The following RAB3C variants were observed in gnomAD, a reference collection of about 807,000 sequenced individuals.
RAB3C encodes ras-related protein Rab-3C.
Under a neutral mutation model 26.4 loss-of-function variants are expected in RAB3C, and 17 were observed. The ratio of observed to expected loss-of-function variants is 0.64; its 90% confidence interval spans 0.44 to 0.97. The LOEUF is 0.97. Among genes scored for constraint, RAB3C ranks in the 50% least tolerant of loss-of-function variants. The pLI, the probability that RAB3C is intolerant of heterozygous loss-of-function variation, is 0.00. For missense variants in RAB3C, 242 were observed against 281.9 expected, an observed-to-expected ratio of 0.86 and a Z score of 1.01; for synonymous variants, 91 against 95.9, an observed-to-expected ratio of 0.95 and a Z score of 0.30.
chr5:58,781,169 G>A (rs1036923528), intron 3 of RAB3C, among the ~76,000 whole-genome samples: 2 of 151,996 alleles, frequency 1.3e-5, no homozygotes, highest in East Asian at 1.9e-4. Context: ...AAGACCTCCA[G>A]CAAAAATACT....
At chr5:58,731,262 G>A (rs112876694) in intron 3 of RAB3C, among the ~76,000 whole-genome samples, 283 of 152,170 alleles carry the variant, frequency 1.9e-3, no homozygotes, top group African/African-American at 6.5e-3. Context: ...TTTTCCAGTG[G>A]AATTTTATTT....
intron 4 of RAB3C, among the ~76,000 whole-genome samples, chr5:58,850,453 A>C (rs1160975299): frequency 6.6e-6 from 1 of 152,180 alleles, no homozygotes; most frequent in Non-Finnish European, 1.5e-5. Context: ...AAGGAGGTTG[A>C]AGCAGGTTTA....
In RAB3C at chr5:58,852,907, A is replaced by T. The variant is rs1227145690; in HGVS notation, c.*1556A>T. 6.6e-6 allele frequency: 1 copy of T among 152,236 alleles called. No individual in the cohort carries two copies. The highest frequency in any genetic ancestry group is 1.5e-5 in the Non-Finnish European group (1 of 68,042). The allele number at this position is 152,236 out of a possible 1,614,324, so 9.4% of individuals were successfully genotyped here. A position where few individuals can be genotyped will look rare whatever the true frequency, so the allele number is the denominator to read the frequency against. On this transcript the variant is annotated 3_prime_UTR_variant, in exon 5 of 5. Transcript: ENST00000282878. ...GAGAGGCTTCCCATGAAAGTATTGG[A>T]TGCAAATGAAACAGGCATACATCTA...
chr5:58,755,349 T>C (rs1200184006), intron 3 of RAB3C, among the ~76,000 whole-genome samples: 2 of 152,252 alleles, frequency 1.3e-5, no homozygotes, highest in African/African-American at 4.8e-5. Context: ...TGATCTGTTT[T>C]TATTTGACAT....
intron 2 of RAB3C, among the ~76,000 whole-genome samples, chr5:58,622,221 G>A (rs1023174777): frequency 3.9e-5 from 6 of 152,020 alleles, no homozygotes; most frequent in African/African-American, 9.7e-5. Flanking sequence ...GTCCTGGAGC[G>A]ATTAGGGCAG....
At chr5:58,849,683 G>T (rs1297730302) in intron 4 of RAB3C, among the ~76,000 whole-genome samples, 1 of 152,184 alleles carries the variant, frequency 6.6e-6, no homozygotes, top group African/African-American at 2.4e-5. Flanking sequence ...CCCCAATCCT[G>T]CAGTTATTCA....
chr5:58,775,514 C>T (rs1029074016), intron 3 of RAB3C, among the ~76,000 whole-genome samples: 2 of 151,834 alleles, frequency 1.3e-5, no homozygotes, highest in East Asian at 1.9e-4. Flanking sequence ...AGGTAATGGG[C>T]GTGAGTGAAG....
chr5:58,743,342 T>G (rs1741319592), intron 3 of RAB3C, among the ~76,000 whole-genome samples: 1 of 152,166 alleles, frequency 6.6e-6, no homozygotes, highest in Non-Finnish European at 1.5e-5. Context: ...CATATTTATC[T>G]TCTATGCCAA....
At chr5:58,615,393 G>T (rs1459108738) in intron 1 of RAB3C, among the ~76,000 whole-genome samples, 1 of 152,108 alleles carries the variant, frequency 6.6e-6, no homozygotes, top group African/African-American at 2.4e-5. Context: ...CTTAATGAAG[G>T]CCATTTTTAG....
intron 1 of RAB3C, among the ~76,000 whole-genome samples, chr5:58,589,069 A>G (rs544915664): frequency 6.6e-6 from 1 of 152,172 alleles, no homozygotes; most frequent in Admixed American, 6.5e-5. Context: ...TTGTTTTGGT[A>G]TAGATATTAT....
intron 1 of RAB3C, among the ~76,000 whole-genome samples, chr5:58,604,381 T>A (rs1275011049): frequency 6.6e-6 from 1 of 152,200 alleles, no homozygotes; most frequent in Non-Finnish European, 1.5e-5. Flanking sequence ...CAAGATTATA[T>A]GCCCTTTGTC....
intron 3 of RAB3C, among the ~76,000 whole-genome samples, chr5:58,756,434 G>A (rs1228679672): frequency 2.1e-5 from 3 of 144,434 alleles, no homozygotes; most frequent in South Asian, 2.2e-4. Context: ...AAGTTCTGGG[G>A]TACATGTGCA....
At chr5:58,633,002 C>G (rs1461432542) in intron 2 of RAB3C, among the ~76,000 whole-genome samples, 1 of 152,210 alleles carries the variant, frequency 6.6e-6, no homozygotes, top group East Asian at 1.9e-4. Flanking sequence ...CTAATACTAT[C>G]TCTGTCTCAA....
chr5:58,688,956 A>G (rs1431911086), intron 2 of RAB3C, among the ~76,000 whole-genome samples: 1 of 152,084 alleles, frequency 6.6e-6, no homozygotes. Flanking sequence ...CCTCCATAAT[A>G]GGGACTAGAA....
chr5:58,646,386 C>G (rs139073018), intron 2 of RAB3C, among the ~76,000 whole-genome samples: 3 of 151,624 alleles, frequency 2.0e-5, no homozygotes, highest in African/African-American at 7.3e-5. Flanking sequence ...AACAATTAGT[C>G]TACAAATACA....
chr5:58,590,236 A>G (rs1330877559), intron 1 of RAB3C, among the ~76,000 whole-genome samples: 4 of 152,170 alleles, frequency 2.6e-5, no homozygotes, highest in Admixed American at 1.3e-4. Context: ...CATTTTTCCA[A>G]TTTATTAACA....
intron 3 of RAB3C, among the ~76,000 whole-genome samples, chr5:58,775,210 A>G (rs1471381070): frequency 1.3e-5 from 2 of 152,070 alleles, no homozygotes; most frequent in African/African-American, 2.4e-5. Context: ...GTCCTCATCT[A>G]GTCCCATCTG....
intron 2 of RAB3C, among the ~76,000 whole-genome samples, chr5:58,699,779 G>A (rs556976502): frequency 7.5e-4 from 114 of 152,336 alleles, no homozygotes; most frequent in African/African-American, 2.4e-3. Flanking sequence ...AGCCAGTCAC[G>A]GGAGAGAATC....
rs1386708224 is a variant in RAB3C at position 58,810,362 on chromosome 5, G to GCTC, written c.372-14676_372-14675insCTC. ...TTCTACTGGTACAAAAGTACTCTGT[G>GCTC]TGCTCTCTCTCTCTCTCTCTCTCTG... On this transcript the variant is annotated intron_variant, in intron 3 of 4. Coordinates refer to ENST00000282878, the MANE Select transcript of RAB3C (RefSeq NM_138453.4). Among the ~76,000 whole-genome samples, 190 of 81,166 alleles carry GCTC rather than the reference G, an allele frequency of 2.3e-3. 1 individual carries two copies. The highest frequency in any genetic ancestry group is 4.6e-3 in the Non-Finnish European group (155 of 34,008). 53.2% of individuals were successfully genotyped at this position (81,166 alleles called of 152,430 possible). A position where few individuals can be genotyped will look rare whatever the true frequency, so the allele number is the denominator to read the frequency against.
Sources: gnomAD v4.1 joint callset for allele counts (sites outside exome capture counted in the v4.1 genomes callset) on GRCh38, gnomAD v4.1.1 for gene constraint, MANE v1.5 for transcripts, NCBI Gene and HGNC (gene_info 2026-07-23, HGNC 2026-07-21) for gene names.